The following RNF213 variants were observed in gnomAD, a reference collection of about 807,000 sequenced individuals.
RNF213 encodes ring finger protein 213, also known as E3 ubiquitin-protein ligase RNF213.
RNF213 carries 341 observed loss-of-function variants against 514.4 expected under a neutral mutation model. The observed-to-expected ratio is 0.66, with a 90% CI of 0.61 to 0.73. RNF213 has a LOEUF of 0.73. RNF213 is among the 30% of genes least tolerant of loss of function. The probability of loss-of-function intolerance (pLI) is 0.00; values close to 1 mark genes in which losing one functional copy is unlikely to be tolerated. For missense variants in RNF213, 5,767 were observed against 6,615.6 expected, an observed-to-expected ratio of 0.87 and a Z score of 4.45; for synonymous variants, 2,655 against 2,658.2, an observed-to-expected ratio of 1.00 and a Z score of 0.04.
chr17:80,331,977 C>T (rs1166553404), intron 20 of RNF213, 29 bp from the exon 21 acceptor site: 1 of 1,523,302 alleles, frequency 6.6e-7, no homozygotes, highest in African/African-American at 1.4e-5. Flanking sequence ...AGAGCTTTGA[C>T]TTCTGACACT....
chr17:80,306,579 G>A (rs2045366207), intron 12 of RNF213, 111 bp downstream of exon 12: 1 of 1,145,016 alleles, frequency 8.7e-7, no homozygotes, highest in Non-Finnish European at 1.3e-6. Flanking sequence ...TGGGCTGGGT[G>A]CGGTGGCTCA....
At chr17:80,369,082 G>C (rs1261507133) in intron 44 of RNF213, among the ~76,000 whole-genome samples, 3 of 152,190 alleles carry the variant, frequency 2.0e-5, no homozygotes, top group African/African-American at 4.8e-5. Flanking sequence ...GGTGAGAGGA[G>C]TGACTTGAAT....
chr17:80,385,492 AG>A lies in RNF213; in HGVS notation c.14456-41del, dbSNP rs763845255. 1.9e-6 allele frequency: 3 copies of A among 1,568,080 alleles called. No homozygotes were observed. In the South Asian group the frequency reaches 3.3e-5, roughly 17 times the overall value. On this transcript the variant is annotated intron_variant, in intron 60 of 67. Transcript: ENST00000582970. ...GTAACTAGGGTGGTTTGGCCCTTTCAGGGGGTTGCTATCATACGGTTCTTAC... is the reference window on the plus strand; with the variant it reads ...GTAACTAGGGTGGTTTGGCCCTTTCAGGGGTTGCTATCATACGGTTCTTAC...
chr17:80,346,173 G>A lies in RNF213; in HGVS notation c.7838G>A (p.Arg2613His), dbSNP rs150096620. 2.0e-4 allele frequency: 317 copies of A among 1,614,016 alleles called. No homozygotes were observed. The highest frequency in any genetic ancestry group is 2.3e-4 in the Non-Finnish European group (271 of 1,180,014). The change falls in exon 29 of 68, where the codon CGC (arginine) becomes CAC (histidine). Residue 2613 changes from arginine to histidine, a missense_variant. By Grantham distance (29) the Arg-to-His change is conservative. This residue lies in a region of RNF213 where 1,377 missense variants were observed against 1,635.2 expected (regional missense o/e 0.84). Coordinates refer to ENST00000582970, the MANE Select transcript of RNF213 (RefSeq NM_001256071.3). This position sits in a 1 kb window ranked among gnomAD's most constrained non-coding sequence, Gnocchi z 8.1. ...ESISLDENGT[R>H]VITEVLCASQ... is the part of the protein sequence containing the mutation. The stretch of plus-strand genomic sequence containing the variant: ...ATCAGCCTAGATGAAAACGGGACTC[G>A]CGTGATCACAGAAGTCCTCTGCGCC...
chr17:80,311,158 A>G (rs2045557743), intron 14 of RNF213, among the ~76,000 whole-genome samples: 1 of 152,234 alleles, frequency 6.6e-6, no homozygotes. Flanking sequence ...TTTAATCCAT[A>G]TTATGGACAA....
intron 2 of RNF213, among the ~76,000 whole-genome samples, chr17:80,267,379 G>A (rs1448977899): frequency 6.6e-6 from 1 of 152,140 alleles, no homozygotes; most frequent in Non-Finnish European, 1.5e-5. Flanking sequence ...GGAGGTGGAG[G>A]TTGCAGTGAG....
rs553289696 is a variant in RNF213, at chr17:80,299,312, G to A, written c.2210+794G>A. Among the ~76,000 whole-genome samples, 16 of 152,222 alleles carry A rather than the reference G, an allele frequency of 1.1e-4. No homozygotes were observed. The South Asian group carries it at 1.2e-3, about 12-fold the overall frequency. ...GGTTGTGCAGTTTCGTTTTTTCAGC[G>A]TGCTTTCATAAGCATCCTTAGCTTT... is the stretch of plus-strand genomic sequence containing the variant. On this transcript the variant is annotated intron_variant, in intron 11 of 67. Transcript: ENST00000582970.
Position 80,353,675 on chromosome 17 carries a change from T to C in RNF213, c.10578+9T>C, listed in dbSNP as rs565819832. On this transcript the variant is annotated intron_variant, in intron 34 of 67. Transcript: ENST00000582970. The surrounding 1 kb of genome is among the most constrained non-coding windows in gnomAD (Gnocchi z 5.0). ...AACTCGGAGGCAGTGATGTAAGTTC[T>C]GGTTCTTGGGACCTCCCCTTGTGCT... The C allele has an allele frequency of 5.6e-6, 9 of 1,614,210 alleles. No homozygotes were observed. Among genetic ancestry groups the C allele is most frequent in the Non-Finnish European group, 6.8e-6 (8 of 1,180,030 alleles).
Position 80,351,467 on chromosome 17 carries a change from C to G in RNF213, c.10185-218C>G, listed in dbSNP as rs145888815. Among the ~76,000 whole-genome samples, 918 of 152,308 alleles carry G rather than the reference C, an allele frequency of 6.0e-3. 12 individuals are homozygous for G. Among genetic ancestry groups the G allele is most frequent in the African/African-American group, 0.021 (873 of 41,560 alleles). On this transcript the variant is annotated intron_variant, in intron 31 of 67. Coordinates refer to ENST00000582970, the MANE Select transcript of RNF213 (RefSeq NM_001256071.3). ...CACAGGAATGGGGAAGAAAACGAGC[C>G]GCTAAGAGAAGATTTCTCATCCCCT...
intron 36 of RNF213, chr17:80,354,856 T>G: frequency 2.1e-6 from 1 of 475,208 alleles, no homozygotes; most frequent in Non-Finnish European, 3.9e-6. Flanking sequence ...GTAGAACATT[T>G]ACCGACATTC....
In RNF213 at chr17:80,364,535, C is replaced by T. The variant is rs143959110; in HGVS notation, c.11853C>T (p.His3951=). The part of the protein sequence containing the change: ...VPELQGLVTE[H]VFLLDKCLRE... Reference sequence around the variant, plus strand: ...AGTTACAGGGGCTGGTGACCGAGCACGTCTTCTTACTAGACAAGGTGAGTA... The same window carrying T: ...AGTTACAGGGGCTGGTGACCGAGCATGTCTTCTTACTAGACAAGGTGAGTA... Residue 3951 remains histidine (H), a synonymous_variant, in exon 42 of 68, where the codon CAC becomes CAT. Coordinates refer to ENST00000582970, the MANE Select transcript of RNF213 (RefSeq NM_001256071.3). 31 of 1,614,072 alleles carry T rather than the reference C, an allele frequency of 1.9e-5. No homozygotes were observed. In the Admixed American group the frequency reaches 2.7e-4, roughly 14 times the overall value.
Position 80,358,406 on chromosome 17 carries a change from G to A in RNF213, c.10981G>A (p.Ala3661Thr). Residue 3661 changes from alanine (A) to threonine (T), a missense_variant, in exon 37 of 68, where the codon GCA becomes ACA. By Grantham distance (58) the Ala-to-Thr change is moderately conservative. This residue lies in a region of RNF213 where 919 missense variants were observed against 1,121.0 expected (regional missense o/e 0.82). Coordinates refer to ENST00000582970, the MANE Select transcript of RNF213 (RefSeq NM_001256071.3). ...GACCAGGCCAGATACTCCGCCCTGG[G>A]CAAGAGATCTTTGGATGTTTATTTT... The part of the protein sequence containing the change: ...LLTRPDTPPW[A>T]RDLWMFIFSD... 6.2e-7 allele frequency: 1 copy of A among 1,614,136 alleles called. No individual in the cohort carries two copies. The highest frequency in any genetic ancestry group is 8.5e-7 in the Non-Finnish European group (1 of 1,179,970).
At chr17:80,374,906 C>CT in intron 50 of RNF213, 1 of 379,122 alleles carries the variant, frequency 2.6e-6, no homozygotes, top group Non-Finnish European at 5.1e-6. Context: ...GGAAAACAGT[C>CT]TAAGAAAGAT....
intron 3 of RNF213, chr17:80,278,687 G>T (rs2044154537): frequency 1.3e-6 from 2 of 1,506,664 alleles, no homozygotes; most frequent in African/African-American, 2.8e-5. Context: ...CCCTGAGGTG[G>T]GGTCTTTGCG....
At chr17:80,273,143 G>A in intron 2 of RNF213, 98 bp from the exon 3 acceptor site, 1 of 1,498,844 alleles carries the variant, frequency 6.7e-7, no homozygotes, top group Admixed American at 1.7e-5. Context: ...GGAGAACAGG[G>A]TGAATCTCTC....
intron 44 of RNF213, among the ~76,000 whole-genome samples, chr17:80,368,530 T>A (rs1373452035): frequency 1.3e-5 from 2 of 151,900 alleles, no homozygotes; most frequent in Admixed American, 1.3e-4. Flanking sequence ...CCTCCTGGGT[T>A]CAGGCAATTC....
chr17:80,347,991 T>C lies in RNF213; in HGVS notation c.9656T>C (p.Ile3219Thr), dbSNP rs777680749. 137 of 1,614,038 alleles carry C rather than the reference T, an allele frequency of 8.5e-5. No individual in the cohort carries two copies. Among genetic ancestry groups the C allele is most frequent in the Non-Finnish European group, 1.0e-4 (123 of 1,180,000 alleles). The change falls in exon 29 of 68, where the codon ATC (isoleucine) becomes ACC (threonine). Residue 3219 changes from isoleucine to threonine, a missense_variant. By Grantham distance (89) the Ile-to-Thr change is moderately conservative. Transcript: ENST00000582970. This position sits in a 1 kb window ranked among gnomAD's most constrained non-coding sequence, Gnocchi z 7.2. ...AAATACAGCCCCTCTGACGTCTTCA[T>C]CGGCTACCACTCGGACGCCTGCGCG... is the stretch of plus-strand genomic sequence containing the variant. The part of the protein sequence containing the change: ...RHKYSPSDVF[I>T]GYHSDACASV...
chr17:80,352,373 T>C (rs1182392646), intron 32 of RNF213: 1 of 256,912 alleles, frequency 3.9e-6, no homozygotes, highest in Non-Finnish European at 7.5e-6. Flanking sequence ...TCTTAGCATG[T>C]AGGTCACACG....
intron 36 of RNF213, chr17:80,355,038 G>C: frequency 2.8e-6 from 1 of 360,478 alleles, no homozygotes; most frequent in South Asian, 2.1e-5. Flanking sequence ...TGTCACCCAT[G>C]AGACTAACCT....
Sources: gnomAD v4.1 joint callset for allele counts (sites outside exome capture counted in the v4.1 genomes callset) on GRCh38, gnomAD v4.1.1 for gene constraint, gnomAD v4.1.1 regional missense constraint, Gnocchi (gnomAD v3.1) non-coding constraint, MANE v1.5 for transcripts, NCBI Gene and HGNC (gene_info 2026-07-23, HGNC 2026-07-21) for gene names.